Variants in GFUS observed in about 807,000 individuals in gnomAD.
GFUS encodes 3-5 epimerase/4-reductase.
Under a neutral mutation model 41.5 loss-of-function variants are expected in GFUS, and 42 were observed. The observed-to-expected ratio is 1.01, with a 90% confidence interval of 0.79 to 1.31. GFUS has a LOEUF of 1.31. Among genes scored for constraint, GFUS ranks in the 50% most tolerant of loss-of-function variants. GFUS has a pLI of 0.00. For missense variants in GFUS, 437 were observed against 428.7 expected, an observed-to-expected ratio of 1.02 and a Z score of -0.17; for synonymous variants, 188 against 173.4, an observed-to-expected ratio of 1.08 and a Z score of -0.66.
Position 143,617,533 on chromosome 8 carries a change from T to G in GFUS, c.-71A>C, listed in dbSNP as rs1020581368. ...GGCTTCCGGCCGGGTGCGCTCCGGC[T>G]GCCCGCGGAGCCAGGTGGGGGGCGG... On this transcript the variant is annotated 5_prime_UTR_variant, in exon 1 of 11. Coordinates refer to ENST00000425753, the MANE Select transcript of GFUS (RefSeq NM_003313.4). 1 of 152,202 alleles carries G rather than the reference T, an allele frequency of 6.6e-6. No homozygotes were observed. Among genetic ancestry groups the G allele is most frequent in the Non-Finnish European group, 1.5e-5 (1 of 68,042 alleles). 9.4% of individuals were successfully genotyped at this position (152,202 alleles called of 1,614,324 possible). A position where few individuals can be genotyped will look rare whatever the true frequency, so the allele number is the denominator to read the frequency against.
chr8:143,616,270 G>C (rs754610654), intron 2 of GFUS, 50 bp from the exon 3 acceptor site: 100 of 1,562,696 alleles, frequency 6.4e-5, no homozygotes, highest in Admixed American at 1.7e-4. Flanking sequence ...CAGCACCCCA[G>C]GGTTGGGTGC....
rs773039947 is a variant in GFUS at position 143,613,007 on chromosome 8, G to A, written c.911-42C>T. 9.4e-6 allele frequency: 15 copies of A among 1,595,994 alleles called. 1 individual carries two copies. The highest frequency in any genetic ancestry group is 5.2e-5 in the Admixed American group (3 of 57,748). On this transcript the variant is annotated intron_variant, in intron 10 of 10. Coordinates refer to ENST00000425753, the MANE Select transcript of GFUS (RefSeq NM_003313.4). ...GTGAGGGCCATGGACAGGGAGGGTC[G>A]GGGCCGCATGGGAGGAAGTGGGGGG... is the stretch of plus-strand genomic sequence containing the variant.
upstream of GFUS, chr8:143,617,801 C>A (rs914325757): frequency 6.6e-5 from 10 of 152,102 alleles, no homozygotes; most frequent in African/African-American, 1.9e-4. Context: ...GGCCAGCCGG[C>A]AGCGCCGCGC....
At chr8:143,617,737 C>T (rs1453781552), upstream of GFUS, among the ~76,000 whole-genome samples, 2 of 152,098 alleles carry the variant, frequency 1.3e-5, no homozygotes, top group Non-Finnish European at 1.5e-5. Context: ...CTCTTTAGCC[C>T]GCGGGGCGCT....
chr8:143,614,621 G>A lies in GFUS; in HGVS notation c.464+3C>T, dbSNP rs1023265387. Reference sequence around the variant, plus strand: ...TGGGCCTCAGCAGGATGGGCGCGAGGACCTGTTCTGCACGTCGATCATCCT... The same window carrying A: ...TGGGCCTCAGCAGGATGGGCGCGAGAACCTGTTCTGCACGTCGATCATCCT... On this transcript the variant is annotated splice_donor_region_variant and intron_variant, in intron 5 of 10. Coordinates refer to ENST00000425753, the MANE Select transcript of GFUS (RefSeq NM_003313.4). 8.2e-6 allele frequency: 13 copies of A among 1,588,086 alleles called. No homozygotes were observed. The highest frequency in any genetic ancestry group is 2.3e-5 in the East Asian group (1 of 44,410).
Position 143,614,300 on chromosome 8 carries a change from C to T in GFUS, c.598+20G>A. On this transcript the variant is annotated intron_variant, in intron 6 of 10. Coordinates refer to ENST00000425753, the MANE Select transcript of GFUS (RefSeq NM_003313.4). Reference sequence around the variant, plus strand: ...CCTCCCGAGCTGAGCCCGGGCACCCCATCGGACGGACGCACTCACTCTTGG... The same window carrying T: ...CCTCCCGAGCTGAGCCCGGGCACCCTATCGGACGGACGCACTCACTCTTGG... The T allele has an allele frequency of 1.2e-6, 2 of 1,613,676 alleles. No homozygotes were observed. Among genetic ancestry groups the T allele is most frequent in the Non-Finnish European group, 1.7e-6 (2 of 1,179,934 alleles).
Position 143,613,605 on chromosome 8 carries a change from T to C in GFUS, c.731-2A>G, listed in dbSNP as rs142743088. 6.2e-7 allele frequency: 1 copy of C among 1,612,004 alleles called. No homozygotes were observed. The highest frequency in any genetic ancestry group is 8.5e-7 in the Non-Finnish European group (1 of 1,179,828). On this transcript the variant is annotated splice_acceptor_variant, in intron 8 of 10. Coordinates refer to ENST00000425753, the MANE Select transcript of GFUS (RefSeq NM_003313.4). LOFTEE classifies it high-confidence loss of function. Reference sequence around the variant, plus strand: ...TGGAGACCTCATCTTCCTCGCCCACTGTGGGGAGCCACCGGGTCAGGCCTC... The same window carrying C: ...TGGAGACCTCATCTTCCTCGCCCACCGTGGGGAGCCACCGGGTCAGGCCTC...
rs1470340839 is a variant in GFUS, at chr8:143,614,857, C to T, written c.320G>A (p.Arg107His). 2.9e-5 allele frequency: 46 copies of T among 1,613,658 alleles called. No homozygotes were observed. Among genetic ancestry groups the T allele is most frequent in the African/African-American group, 6.7e-5 (5 of 75,044 alleles). Residue 107 changes from arginine (R) to histidine (H), a missense_variant, in exon 4 of 11, where the codon CGC (arginine) becomes CAC (histidine). Coordinates refer to ENST00000425753, the MANE Select transcript of GFUS (RefSeq NM_003313.4). ...VLHSAFEVGA[R>H]KVVSCLSTCI... ...GGTGGACAGGCAGGACACCACCTTG[C>T]GGGCGCCCACCTCAAAGGCCGAGTG...
intron 3 of GFUS, among the ~76,000 whole-genome samples, chr8:143,615,179 G>A (rs1209691458): frequency 6.6e-6 from 1 of 152,174 alleles, no homozygotes; most frequent in African/African-American, 2.4e-5. Flanking sequence ...GCCCCACCCA[G>A]GAGGCTGCTG....
At chr8:143,613,983 T>G (rs1829649644) in intron 7 of GFUS, among the ~76,000 whole-genome samples, 166 bp from the exon 8 acceptor site, 1 of 152,188 alleles carries the variant, frequency 6.6e-6, no homozygotes, top group African/African-American at 2.4e-5. Flanking sequence ...CAGTGACTCC[T>G]GGAGACAGGA....
In GFUS at chr8:143,614,706, G is replaced by C; in HGVS notation, c.391-9C>G. On this transcript the variant is annotated splice_polypyrimidine_tract_variant and intron_variant, in intron 4 of 10. Transcript: ENST00000425753. ...GGAGGCCCATTGTGGATCTGCGGGC[G>C]TGGGAGAGGCAGAGGCCGCTACTTC... The C allele has an allele frequency of 6.2e-7, 1 of 1,613,008 alleles. No individual in the cohort carries two copies. Among genetic ancestry groups the C allele is most frequent in the Non-Finnish European group, 8.5e-7 (1 of 1,179,580 alleles).
chr8:143,615,936 G>T, intron 3 of GFUS, 170 bp downstream of exon 3: 2 of 594,992 alleles, frequency 3.4e-6, no homozygotes, highest in Non-Finnish European at 2.9e-6. Flanking sequence ...CACCAAGTGT[G>T]AGTGACTGGG....
At chr8:143,614,733 T>C (rs1202268493) in intron 4 of GFUS, 36 bp from the exon 5 acceptor site, 1 of 1,613,280 alleles carries the variant, frequency 6.2e-7, no homozygotes, top group Non-Finnish European at 8.5e-7. Context: ...CGCTACTTCC[T>C]GGCCCTGCCC....
upstream of GFUS, among the ~76,000 whole-genome samples, chr8:143,617,738 G>A (rs1026242011): frequency 6.6e-6 from 1 of 152,074 alleles, no homozygotes; most frequent in Non-Finnish European, 1.5e-5. Flanking sequence ...TCTTTAGCCC[G>A]CGGGGCGCTG....
At chr8:143,614,740 GCC>G in intron 4 of GFUS, 43 bp from the exon 5 acceptor site, 1 of 1,613,102 alleles carries the variant, frequency 6.2e-7, no homozygotes, top group Non-Finnish European at 8.5e-7. Flanking sequence ...TCCTGGCCCT[GCC>G]CACCGGCTCC....
intron 7 of GFUS, 113 bp from the exon 8 acceptor site, chr8:143,613,930 G>T: frequency 7.8e-7 from 1 of 1,278,368 alleles, no homozygotes; most frequent in Non-Finnish European, 1.1e-6. Flanking sequence ...TCAGCCTGGG[G>T]AACAGGGGTC....
intron 1 of GFUS, 22 bp downstream of exon 1, chr8:143,617,450 CGG>C (rs1829757017): frequency 6.6e-6 from 1 of 152,306 alleles, no homozygotes; most frequent in African/African-American, 2.4e-5. Flanking sequence ...GCCCAGGGCG[CGG>C]CTGAGTCCGG....
Position 143,614,556 on chromosome 8 carries a change from G to T in GFUS, c.464+68C>A, listed in dbSNP as rs1223871530. 32 of 1,556,104 alleles carry T rather than the reference G, an allele frequency of 2.1e-5. No homozygotes were observed. In the South Asian group the frequency reaches 2.9e-4, roughly 14 times the overall value. ...GCTGGCACGAAGACCCGACCAGCCG[G>T]CCCCACCCGCCCCTGGGGGCCCTCT... is the stretch of plus-strand genomic sequence containing the variant. On this transcript the variant is annotated intron_variant, in intron 5 of 10. Coordinates refer to ENST00000425753, the MANE Select transcript of GFUS (RefSeq NM_003313.4).
At chr8:143,615,998 G>T in intron 3 of GFUS, 108 bp downstream of exon 3, 1 of 940,022 alleles carries the variant, frequency 1.1e-6, no homozygotes, top group Non-Finnish European at 1.6e-6. Flanking sequence ...GATCCTCAGG[G>T]ACTTCCTGGG....
Sources: allele counts gnomAD v4.1 joint callset (sites outside exome capture counted in the v4.1 genomes callset), GRCh38; gene constraint gnomAD v4.1.1; transcripts MANE v1.5; gene names NCBI Gene and HGNC (gene_info 2026-07-23, HGNC 2026-07-21).